SLC25A48: variants seen among roughly 807,000 people sequenced by gnomAD.
SLC25A48 encodes solute carrier family 25 member 48, also known as CTC-321K16.1.
In SLC25A48, 29 loss-of-function variants were observed where a neutral mutation model predicts 32.2. That is an observed-to-expected ratio of 0.90 (90% CI 0.67 to 1.23). The LOEUF (loss-of-function observed/expected upper bound fraction) is 1.23. Among genes scored for constraint, SLC25A48 ranks in the 50% most tolerant of loss-of-function variants. The probability of loss-of-function intolerance (pLI) is 0.00; values close to 1 mark genes in which losing one functional copy is unlikely to be tolerated. For missense variants in SLC25A48, 399 were observed against 422.7 expected (o/e 0.94, Z 0.49); for synonymous variants, 164 against 172.3 (o/e 0.95, Z 0.38).
At chr5:135,762,896 G>A (rs1756097838) in intron 3 of SLC25A48, among the ~76,000 whole-genome samples, 1 of 152,132 alleles carries the variant, frequency 6.6e-6, no homozygotes, top group Admixed American at 6.5e-5. Context: ...AAATGTGAGT[G>A]TGTGAATGTG....
chr5:135,835,678 T>TAAAAAAAAAAAAAA (rs35114794), intron 1 of SLC25A48, among the ~76,000 whole-genome samples: 1 of 70,412 alleles, frequency 1.4e-5, no homozygotes, highest in African/African-American at 5.8e-5. Context: ...TTGCTAATTG[T>TAAAAAAAAAAAAAA]AAAAAAAAAA....
intron 4 of SLC25A48, among the ~76,000 whole-genome samples, chr5:135,813,585 TG>T (rs1757641595): frequency 6.6e-6 from 1 of 152,212 alleles, no homozygotes; most frequent in Admixed American, 6.5e-5. Context: ...TATACAGCCA[TG>T]GCTTTGATTT....
At chr5:135,716,355 T>G (rs1580809303) in intron 3 of SLC25A48, among the ~76,000 whole-genome samples, 1 of 152,244 alleles carries the variant, frequency 6.6e-6, no homozygotes, top group South Asian at 2.1e-4. Flanking sequence ...GACAGTTGGG[T>G]TTTTTATCAA....
At chr5:135,880,147 T>A (rs1401757773) in intron 7 of SLC25A48, 50 bp downstream of exon 7, 2 of 270,674 alleles carry the variant, frequency 7.4e-6, no homozygotes, top group Non-Finnish European at 1.1e-5. Flanking sequence ...AACTTGAAAC[T>A]TTTTTTTTTT....
chr5:135,828,032 CGA>C (rs1758109359), intron 4 of SLC25A48, among the ~76,000 whole-genome samples: 1 of 152,192 alleles, frequency 6.6e-6, no homozygotes, highest in South Asian at 2.1e-4. Flanking sequence ...CAAGGAGGGC[CGA>C]GAGCCCTGCA....
At chr5:135,697,712 T>C (rs1754300497) in intron 3 of SLC25A48, among the ~76,000 whole-genome samples, 1 of 152,136 alleles carries the variant, frequency 6.6e-6, no homozygotes, top group African/African-American at 2.4e-5. Context: ...AGGCAGGTGC[T>C]TCCTGGAGAC....
intron 4 of SLC25A48, among the ~76,000 whole-genome samples, chr5:135,859,899 G>C (rs1034855098): frequency 6.6e-6 from 1 of 152,068 alleles, no homozygotes; most frequent in Non-Finnish European, 1.5e-5. Flanking sequence ...AGGAGTAATT[G>C]GGGAAGTTTG....
intron 1 of SLC25A48, among the ~76,000 whole-genome samples, chr5:135,594,987 C>T (rs1306316222): frequency 6.6e-6 from 1 of 152,134 alleles, no homozygotes; most frequent in Non-Finnish European, 1.5e-5. Context: ...ACCTTGGTCT[C>T]TCAACTCCTA....
chr5:135,812,445 G>A (rs926227054), intron 3 of SLC25A48: 2 of 152,156 alleles, frequency 1.3e-5, no homozygotes, highest in African/African-American at 4.8e-5. Flanking sequence ...CAATAGTCCT[G>A]GTGATAGGTG....
intron 4 of SLC25A48, among the ~76,000 whole-genome samples, chr5:135,868,485 C>T (rs963531926): frequency 6.6e-6 from 1 of 152,042 alleles, no homozygotes; most frequent in Non-Finnish European, 1.5e-5. Context: ...AAAGTATTGT[C>T]AAAGTAGCTA....
chr5:135,877,041 A>T (rs962986372), intron 6 of SLC25A48, among the ~76,000 whole-genome samples: 7 of 152,202 alleles, frequency 4.6e-5, no homozygotes, highest in African/African-American at 1.7e-4. Flanking sequence ...TTAGAAAGGC[A>T]TTAATAATGA....
At chr5:135,729,738 G>A (rs1290778507) in intron 3 of SLC25A48, among the ~76,000 whole-genome samples, 1 of 152,160 alleles carries the variant, frequency 6.6e-6, no homozygotes, top group African/African-American at 2.4e-5. Context: ...ACATGTGAGA[G>A]TTCTGAGGGA....
At chr5:135,658,119 G>A (rs1753299785) in intron 3 of SLC25A48, among the ~76,000 whole-genome samples, 1 of 152,140 alleles carries the variant, frequency 6.6e-6, no homozygotes, top group South Asian at 2.1e-4. Flanking sequence ...TAACTCAAAA[G>A]TTCAGGTCCA....
chr5:135,639,006 C>G (rs1752771826), intron 3 of SLC25A48, among the ~76,000 whole-genome samples: 1 of 152,184 alleles, frequency 6.6e-6, no homozygotes, highest in East Asian at 1.9e-4. Context: ...GGATTAGATA[C>G]TACATTTTAA....
intron 3 of SLC25A48, among the ~76,000 whole-genome samples, chr5:135,726,358 A>G (rs1265324197): frequency 1.3e-5 from 2 of 152,226 alleles, no homozygotes; most frequent in African/African-American, 2.4e-5. Context: ...AAAGTATAGT[A>G]CAATATCACA....
intron 3 of SLC25A48, among the ~76,000 whole-genome samples, chr5:135,851,883 G>T (rs1387923320): frequency 1.3e-5 from 2 of 152,172 alleles, no homozygotes; most frequent in East Asian, 3.9e-4. Context: ...GCCTCCTGCA[G>T]CCTGTGTGTG....
intron 4 of SLC25A48, among the ~76,000 whole-genome samples, chr5:135,857,192 C>T (rs1292074355): frequency 1.3e-5 from 2 of 152,240 alleles, no homozygotes; most frequent in Admixed American, 1.3e-4. Context: ...ATCCTCTGTC[C>T]TGCCCACCTC....
At chr5:135,602,854 A>G (rs562194474) in intron 1 of SLC25A48, among the ~76,000 whole-genome samples, 1 of 152,226 alleles carries the variant, frequency 6.6e-6, no homozygotes, top group South Asian at 2.1e-4. Context: ...ATGAGTGAGA[A>G]CACCTTGCAT....
At chr5:135,767,365 A>G (rs1486224739) in intron 3 of SLC25A48, among the ~76,000 whole-genome samples, 1 of 151,908 alleles carries the variant, frequency 6.6e-6, no homozygotes, top group African/African-American at 2.4e-5. Context: ...CTGGGAGAAG[A>G]GGATAATATT....
Sources: allele counts gnomAD v4.1 joint callset (sites outside exome capture counted in the v4.1 genomes callset), GRCh38; gene constraint gnomAD v4.1.1; transcripts MANE v1.5; gene names NCBI Gene and HGNC (gene_info 2026-07-23, HGNC 2026-07-21).